Variants in COL4A6 observed in about 807,000 individuals in gnomAD.
COL4A6 encodes collagen type IV alpha 6 chain.
A neutral mutation model predicts 126.7 loss-of-function variants in COL4A6; 59 were observed. The observed-to-expected ratio is 0.47, with a 90% CI of 0.38 to 0.58. COL4A6 has a LOEUF of 0.58. Ranked by LOEUF, COL4A6 falls within the 20% of genes least tolerant of loss-of-function variation. The pLI is 0.00. For synonymous variants in COL4A6, 547 were observed against 496.6 expected (o/e 1.10, Z -1.35); for missense variants, 1,285 against 1,337.3 (o/e 0.96, Z 0.61).
At chrX:108,229,527 A>G (rs1392803181) in intron 3 of COL4A6, among the ~76,000 whole-genome samples, 2 of 112,193 alleles carry the variant, frequency 1.8e-5, no homozygotes, top group Non-Finnish European at 3.8e-5. Context: ...AAAAATCTGC[A>G]TTTCTAACAA....
rs1210634822 is a variant in COL4A6 at position 108,351,438 on chromosome X, C to CTGTG, written c.64-40611_64-40610insCACA. Among the ~76,000 whole-genome samples, 195 of 81,485 alleles carry CTGTG rather than the reference C, an allele frequency of 2.4e-3. 1 individual carries two copies. The highest frequency in any genetic ancestry group is 4.4e-3 in the African/African-American group (89 of 20,256). 70.8% of individuals were successfully genotyped at this position (81,485 alleles called of 115,157 possible). On this transcript the variant is annotated intron_variant, in intron 2 of 44. Transcript: ENST00000334504. Reference sequence around the variant, plus strand: ...GTATTAAAAAAGGAGGTAACTCTCTCTCTCTGTGTGTGTGTGTGTGTGTGT... The same window carrying CTGTG: ...GTATTAAAAAAGGAGGTAACTCTCTCTGTGTCTCTGTGTGTGTGTGTGTGTGTGT...
intron 2 of COL4A6, among the ~76,000 whole-genome samples, chrX:108,416,323 A>G (rs2041435008): frequency 8.9e-6 from 1 of 112,141 alleles, no homozygotes; most frequent in Non-Finnish European, 1.9e-5. Context: ...AGCACCAGTT[A>G]TAATTATTAG....
rs2034585208 is a variant in COL4A6 at position 108,178,843 on chromosome X, C to T, written c.2356G>A (p.Val786Met). 2.5e-6 allele frequency: 3 copies of T among 1,202,939 alleles called. No individual in the cohort carries two copies. The highest frequency in any genetic ancestry group is 3.0e-5 in the East Asian group (1 of 33,676). ...GDSGLPGLKGVHGKPGLLGPK... is the reference protein window; with the variant it reads ...GDSGLPGLKGMHGKPGLLGPK... ...CCTAGTAAGCCAGGCTTCCCGTGCA[C>T]ACCTGATAAAAGAAAAGGGCAAATG... is the stretch of plus-strand genomic sequence containing the variant. The change falls in exon 27 of 45, where the codon GTG becomes ATG. Residue 786 changes from valine to methionine, a missense_variant and splice_region_variant. Physicochemically the swap from Val to Met is conservative, Grantham distance 21. Coordinates refer to ENST00000334504, the MANE Select transcript of COL4A6 (RefSeq NM_033641.4).
At chrX:108,303,939 C>G (rs2038562383) in intron 3 of COL4A6, among the ~76,000 whole-genome samples, 1 of 111,928 alleles carries the variant, frequency 8.9e-6, no homozygotes, top group Non-Finnish European at 1.9e-5. Flanking sequence ...ATAATGCACT[C>G]TAGGGGCAAG....
At chrX:108,231,750 T>C (rs1037038840) in intron 3 of COL4A6, among the ~76,000 whole-genome samples, 9 of 112,292 alleles carry the variant, frequency 8.0e-5, no homozygotes, top group Non-Finnish European at 1.1e-4. Flanking sequence ...GGAGAAAATA[T>C]TGTTATTTTC....
At chrX:108,299,696 G>A in intron 3 of COL4A6, among the ~76,000 whole-genome samples, 1 of 111,894 alleles carries the variant, frequency 8.9e-6, no homozygotes, top group Non-Finnish European at 1.9e-5. Context: ...TCTTTCTTGG[G>A]GCTAAAGAAA....
At chrX:108,181,045 T>C in intron 23 of COL4A6, 77 bp from the exon 24 acceptor site, 1 of 873,114 alleles carries the variant, frequency 1.1e-6, no homozygotes, top group Non-Finnish European at 1.6e-6. Context: ...CCTTTACTTC[T>C]ATTCCATTTA....
intron 2 of COL4A6, among the ~76,000 whole-genome samples, chrX:108,313,959 AG>A (rs1386630705): frequency 3.6e-5 from 4 of 111,979 alleles, no homozygotes; most frequent in Non-Finnish European, 5.6e-5. Context: ...GGTGGGGGGC[AG>A]GAAGTACAAT....
intron 2 of COL4A6, among the ~76,000 whole-genome samples, chrX:108,392,608 C>G (rs1384011610): frequency 1.8e-5 from 2 of 111,803 alleles, no homozygotes; most frequent in Non-Finnish European, 3.8e-5. Context: ...TTGTGTATGA[C>G]TTGGATCTTT....
intron 3 of COL4A6, among the ~76,000 whole-genome samples, chrX:108,251,092 A>T (rs1012070079): frequency 3.6e-5 from 4 of 111,270 alleles, no homozygotes; most frequent in African/African-American, 1.3e-4. Flanking sequence ...GGCCAAATGC[A>T]CAGAGCTAAG....
intron 42 of COL4A6, among the ~76,000 whole-genome samples, chrX:108,161,147 C>A (rs765534650): frequency 8.9e-6 from 1 of 112,036 alleles, no homozygotes; most frequent in African/African-American, 3.2e-5. Flanking sequence ...AGTTTCCCAC[C>A]GAGCCTCTGA....
At position 108,179,993 on chromosome X, in the gene COL4A6, T is replaced by C. The variant is rs747956116; in HGVS notation, c.2131+522A>G. Reference sequence around the variant, plus strand: ...AAAATTTGCATTTCCATCAAGTTCCTAGGTGATGCTGATGCTGGCCCATGG... The same window carrying C: ...AAAATTTGCATTTCCATCAAGTTCCCAGGTGATGCTGATGCTGGCCCATGG... On this transcript the variant is annotated intron_variant, in intron 25 of 44. Transcript: ENST00000334504. Among the ~76,000 whole-genome samples, 12 of 110,646 alleles carry C rather than the reference T, an allele frequency of 1.1e-4. No individual in the cohort carries two copies. The South Asian group carries it at 4.7e-3, about 44-fold the overall frequency.
Position 108,165,502 on chromosome X carries a change from A to T in COL4A6, c.3692-16T>A, listed in dbSNP as rs1241352021. The T allele has an allele frequency of 4.6e-6, 5 of 1,083,326 alleles. No homozygotes were observed. In the Admixed American group the frequency reaches 8.6e-5, roughly 19 times the overall value. 89.3% of individuals were successfully genotyped at this position (1,083,326 alleles called of 1,213,427 possible). A position where few individuals can be genotyped will look rare whatever the true frequency, so the allele number is the denominator to read the frequency against. On this transcript the variant is annotated splice_polypyrimidine_tract_variant and intron_variant, in intron 37 of 44. Transcript: ENST00000334504. ...CCTGGGAAACCTGTAAAGAATAAAT[A>T]AAAGGGGCTGGATAGGCTCTGTGTG...
At chrX:108,367,451 G>T (rs2881305) in intron 2 of COL4A6, among the ~76,000 whole-genome samples, 7,979 of 111,302 alleles carry the variant, frequency 0.072, 627 homozygotes, top group African/African-American at 0.23. Flanking sequence ...ATACCCTCGT[G>T]TCTTAAAGAC....
chrX:108,279,201 T>C, intron 3 of COL4A6, among the ~76,000 whole-genome samples: 1 of 110,741 alleles, frequency 9.0e-6, no homozygotes, highest in African/African-American at 3.3e-5. Context: ...GACTGGCAAG[T>C]TGGATAAAGA....
At chrX:108,279,108 C>T (rs1278113839) in intron 3 of COL4A6, among the ~76,000 whole-genome samples, 2 of 111,923 alleles carry the variant, frequency 1.8e-5, no homozygotes, top group Admixed American at 1.9e-4. Context: ...AACCAGCTAA[C>T]ATCATCATGA....
intron 2 of COL4A6, 103 bp from the exon 3 acceptor site, chrX:108,310,931 C>T: frequency 3.4e-6 from 2 of 589,811 alleles, no homozygotes; most frequent in Non-Finnish European, 2.8e-6. Flanking sequence ...TCTATTGCGG[C>T]TTAATGATCT....
chrX:108,370,050 A>G (rs1239948423), intron 2 of COL4A6, among the ~76,000 whole-genome samples: 2 of 112,266 alleles, frequency 1.8e-5, no homozygotes, highest in African/African-American at 3.2e-5. Context: ...TCACACAGCT[A>G]AAAGATGAAA....
intron 2 of COL4A6, among the ~76,000 whole-genome samples, chrX:108,325,692 A>G (rs1239247710): frequency 9.0e-6 from 1 of 111,245 alleles, no homozygotes; most frequent in Non-Finnish European, 1.9e-5. Context: ...ATCGAACCTA[A>G]CAATATATAG....
Sources: allele counts gnomAD v4.1 joint callset (sites outside exome capture counted in the v4.1 genomes callset), GRCh38; gene constraint gnomAD v4.1.1; transcripts MANE v1.5; gene names NCBI Gene and HGNC (gene_info 2026-07-23, HGNC 2026-07-21).